The following LMBRD1 variants were observed in gnomAD, a reference collection of about 807,000 sequenced individuals.
LMBRD1 encodes the protein lysosomal cobalamin transport escort protein LMBD1.
A neutral mutation model predicts 74.8 loss-of-function variants in LMBRD1; 64 were observed. That is an observed-to-expected ratio of 0.86 (90% confidence interval 0.70 to 1.05). LMBRD1 has a LOEUF of 1.05. Ranked by LOEUF, LMBRD1 falls within the 50% of genes least tolerant of loss-of-function variation. The pLI is 0.00. For missense variants in LMBRD1, 652 were observed against 645.9 expected (o/e 1.01, Z -0.10); for synonymous variants, 204 against 216.3 (o/e 0.94, Z 0.50).
intron 3 of LMBRD1, among the ~76,000 whole-genome samples, chr6:69,763,079 T>C (rs941936255): frequency 2.6e-5 from 4 of 151,916 alleles, no homozygotes; most frequent in Non-Finnish European, 5.9e-5. Context: ...AGTAATGTTA[T>C]AAAATAGCAA....
intron 9 of LMBRD1, among the ~76,000 whole-genome samples, chr6:69,703,358 T>C (rs966042072): frequency 4.6e-5 from 7 of 151,392 alleles, no homozygotes; most frequent in Admixed American, 1.3e-4. Flanking sequence ...AAATAGTTTG[T>C]AGCAGTATAA....
At position 69,683,812 on chromosome 6, in the gene LMBRD1, A is replaced by C. The variant is rs527824719; in HGVS notation, c.1418-7271T>G. Among the ~76,000 whole-genome samples the C allele has an allele frequency of 3.9e-5, 6 of 152,170 alleles. No homozygotes were observed. The South Asian group carries it at 1.2e-3, about 32-fold the overall frequency. ...CAGCAAAGAGAATGGAAGTAGAACC[A>C]TCAGCTGATGAGAGGTTCCAACAAT... On this transcript the variant is annotated intron_variant, in intron 14 of 15. Coordinates refer to ENST00000649934, the MANE Select transcript of LMBRD1 (RefSeq NM_018368.4).
intron 9 of LMBRD1, among the ~76,000 whole-genome samples, chr6:69,713,416 T>C (rs533974617): frequency 6.6e-6 from 1 of 152,242 alleles, no homozygotes; most frequent in East Asian, 1.9e-4. Context: ...GCAATACTTA[T>C]CTATATTTTT....
intron 3 of LMBRD1, among the ~76,000 whole-genome samples, chr6:69,763,776 A>C (rs987419156): frequency 6.6e-6 from 1 of 152,192 alleles, no homozygotes; most frequent in African/African-American, 2.4e-5. Flanking sequence ...AAACCAAAGA[A>C]GACTGTTTTT....
At chr6:69,768,152 T>A (rs1323679297) in intron 3 of LMBRD1, among the ~76,000 whole-genome samples, 2 of 151,904 alleles carry the variant, frequency 1.3e-5, no homozygotes. Flanking sequence ...CTCATTTGAT[T>A]GGGGGTATTT....
chr6:69,782,692 A>G (rs934361038), intron 2 of LMBRD1, among the ~76,000 whole-genome samples: 7 of 152,128 alleles, frequency 4.6e-5, no homozygotes, highest in Non-Finnish European at 8.8e-5. Context: ...AGAAACAAAA[A>G]AAAAAAGAGA....
At position 69,675,496 on chromosome 6, in the gene LMBRD1, T is replaced by C. The variant is rs1765526782; in HGVS notation, c.*662A>G. Among the ~76,000 whole-genome samples, 1 of 152,142 alleles carries C rather than the reference T, an allele frequency of 6.6e-6. No homozygotes were observed. The highest frequency in any genetic ancestry group is 1.5e-5 in the Non-Finnish European group (1 of 68,004). ...CCCTATTTATATTGAAATACACATT[T>C]TGAGGTCAGATGCAAAACAAAAGCT... On this transcript the variant is annotated 3_prime_UTR_variant, in exon 16 of 16. Transcript: ENST00000649934.
intron 5 of LMBRD1, chr6:69,746,909 T>C (rs1460265305): frequency 6.6e-6 from 1 of 152,416 alleles, no homozygotes; most frequent in East Asian, 1.9e-4. Flanking sequence ...GGCCCTCAGC[T>C]GCTGGGGAGT....
chr6:69,740,968 C>G (rs1412274359), intron 6 of LMBRD1, among the ~76,000 whole-genome samples: 12 of 151,678 alleles, frequency 7.9e-5, no homozygotes, highest in Non-Finnish European at 1.6e-4. Flanking sequence ...TTAAGAAAAA[C>G]TTCTAGAAAA....
Position 69,736,197 on chromosome 6 carries a change from C to A in LMBRD1, c.636+1745G>T, listed in dbSNP as rs73481743. Among the ~76,000 whole-genome samples, 595 of 152,198 alleles carry A rather than the reference C, an allele frequency of 3.9e-3. 2 individuals are homozygous for A. The highest frequency in any genetic ancestry group is 6.8e-3 in the Admixed American group (104 of 15,286). The stretch of plus-strand genomic sequence containing the variant: ...GCAAGCCAGGAGCTAATTGACCCCC[C>A]CTCCGCCGACCCACCACTTTTTTTT... On this transcript the variant is annotated intron_variant, in intron 7 of 15. Coordinates refer to ENST00000649934, the MANE Select transcript of LMBRD1 (RefSeq NM_018368.4).
intron 3 of LMBRD1, among the ~76,000 whole-genome samples, chr6:69,772,609 AAAC>A (rs1765598836): frequency 6.6e-6 from 1 of 152,142 alleles, no homozygotes; most frequent in Non-Finnish European, 1.5e-5. Flanking sequence ...ACCACTTAGA[AAAC>A]ATCCCCTTTA....
chr6:69,742,017 T>C (rs1428879232), intron 5 of LMBRD1, 140 bp from the exon 6 acceptor site: 6 of 578,534 alleles, frequency 1.0e-5, no homozygotes, highest in Non-Finnish European at 1.5e-5. Flanking sequence ...AAAAGTTTCT[T>C]ATCTATGCAT....
Position 69,718,874 on chromosome 6 carries a change from G to A in LMBRD1, c.762+82C>T, listed in dbSNP as rs577787101. The stretch of plus-strand genomic sequence containing the variant: ...AAACAATGTAAAAAGTTATGGGGTT[G>A]ACAATGTCTAAGTCATATCAGAAAG... On this transcript the variant is annotated intron_variant, in intron 8 of 15. Transcript: ENST00000649934. 30 of 1,454,894 alleles carry A rather than the reference G, an allele frequency of 2.1e-5. No individual in the cohort carries two copies. In the South Asian group the frequency reaches 3.2e-4, roughly 16 times the overall value. The allele number at this position is 1,454,894 out of a possible 1,614,324, so 90.1% of individuals were successfully genotyped here.
At chr6:69,741,653 T>C in intron 6 of LMBRD1, 136 bp downstream of exon 6, 1 of 584,498 alleles carries the variant, frequency 1.7e-6, no homozygotes, top group Admixed American at 2.6e-5. Flanking sequence ...CCTCCCAAAG[T>C]GCTAGGATTA....
chr6:69,734,397 ATTT>A (rs66556444), intron 7 of LMBRD1, among the ~76,000 whole-genome samples: 2 of 144,264 alleles, frequency 1.4e-5, no homozygotes, highest in Non-Finnish European at 3.1e-5. Flanking sequence ...AACAAAACCA[ATTT>A]TTTTTTTTTT....
At chr6:69,787,911 A>G (rs1404399247) in intron 2 of LMBRD1, among the ~76,000 whole-genome samples, 1 of 152,224 alleles carries the variant, frequency 6.6e-6, no homozygotes, top group African/African-American at 2.4e-5. Flanking sequence ...TATTAAAACA[A>G]GCACCCTCAA....
chr6:69,675,600 C>T lies in LMBRD1; in HGVS notation c.*558G>A, dbSNP rs1252422175. Among the ~76,000 whole-genome samples, 1 of 152,152 alleles carries T rather than the reference C, an allele frequency of 6.6e-6. No homozygotes were observed. The highest frequency in any genetic ancestry group is 1.9e-4 in the East Asian group (1 of 5,194). On this transcript the variant is annotated 3_prime_UTR_variant, in exon 16 of 16. Coordinates refer to ENST00000649934, the MANE Select transcript of LMBRD1 (RefSeq NM_018368.4). ...GGACTGATATTTGAACAATATAACACATCTTGGAACGCCATGCTCTTAGAG... is the reference window on the plus strand; with the variant it reads ...GGACTGATATTTGAACAATATAACATATCTTGGAACGCCATGCTCTTAGAG...
intron 3 of LMBRD1, among the ~76,000 whole-genome samples, chr6:69,775,089 C>T (rs1765671626): frequency 6.6e-6 from 1 of 151,108 alleles, no homozygotes; most frequent in Admixed American, 6.6e-5. Flanking sequence ...ATAAAAGGTA[C>T]AAATCCTTAA....
At chr6:69,790,233 G>T in intron 2 of LMBRD1, 63 bp downstream of exon 2, 1 of 1,070,248 alleles carries the variant, frequency 9.3e-7, no homozygotes, top group Non-Finnish European at 1.4e-6. Flanking sequence ...AATATGTATC[G>T]GACTGCCAAG....
Sources: gnomAD v4.1 joint callset for allele counts (sites outside exome capture counted in the v4.1 genomes callset) on GRCh38, gnomAD v4.1.1 for gene constraint, MANE v1.5 for transcripts, NCBI Gene and HGNC (gene_info 2026-07-23, HGNC 2026-07-21) for gene names.